PRKCE: variants seen among roughly 807,000 people sequenced by gnomAD.
The protein encoded by PRKCE is protein kinase C epsilon type.
A neutral mutation model predicts 85.4 loss-of-function variants in PRKCE; 16 were observed. The ratio of observed to expected loss-of-function variants is 0.19; its 90% CI spans 0.13 to 0.28. The LOEUF is 0.28. Ranked by LOEUF, PRKCE falls within the 10% of genes least tolerant of loss-of-function variation. PRKCE has a pLI of 1.00. For synonymous variants in PRKCE, 388 were observed against 371.5 expected, an observed-to-expected ratio of 1.04 and a Z score of -0.51; for missense variants, 573 against 975.2, an observed-to-expected ratio of 0.59 and a Z score of 5.49.
rs189219982 is a variant in PRKCE, at chr2:45,737,521, C to T, written c.348+85073C>T. On this transcript the variant is annotated intron_variant, in intron 1 of 14. Transcript: ENST00000306156. ...CTGATTTGCCAACGGCCCGGGGCTC[C>T]TCCTCGCAACTGCCCAGCGGAGGAC... is the stretch of plus-strand genomic sequence containing the variant. Among the ~76,000 whole-genome samples, 19 of 152,146 alleles carry T rather than the reference C, an allele frequency of 1.2e-4. No homozygotes were observed. In the East Asian group the frequency reaches 3.1e-3, roughly 25 times the overall value.
intron 2 of PRKCE, among the ~76,000 whole-genome samples, chr2:45,863,787 A>C (rs1469296879): frequency 6.6e-6 from 1 of 151,880 alleles, no homozygotes; most frequent in East Asian, 1.9e-4. Context: ...TCATGATAGC[A>C]GGCTTCATCT....
At chr2:45,940,374 G>A (rs946286055) in intron 2 of PRKCE, among the ~76,000 whole-genome samples, 6 of 152,198 alleles carry the variant, frequency 3.9e-5, no homozygotes, top group African/African-American at 1.4e-4. Flanking sequence ...TCTTACCTAT[G>A]AAGCAAGAAC....
At chr2:45,769,811 C>G (rs1229042098) in intron 1 of PRKCE, among the ~76,000 whole-genome samples, 1 of 152,244 alleles carries the variant, frequency 6.6e-6, no homozygotes, top group Non-Finnish European at 1.5e-5. Context: ...TTGCTAAGTG[C>G]ATCCTTGTCT....
intron 11 of PRKCE, among the ~76,000 whole-genome samples, chr2:46,134,774 C>T (rs1674790597): frequency 6.6e-6 from 1 of 152,190 alleles, no homozygotes; most frequent in Non-Finnish European, 1.5e-5. Flanking sequence ...TTTTGATGAC[C>T]AAGTTGATTG....
At chr2:45,975,457 A>G (rs1702384959) in intron 2 of PRKCE, among the ~76,000 whole-genome samples, 1 of 152,154 alleles carries the variant, frequency 6.6e-6, no homozygotes, top group Non-Finnish European at 1.5e-5. Context: ...CTCACATGAC[A>G]GAGAGCTCAC....
intron 1 of PRKCE, among the ~76,000 whole-genome samples, chr2:45,660,240 C>T (rs375824746): frequency 3.9e-5 from 6 of 152,260 alleles, no homozygotes; most frequent in African/African-American, 1.4e-4. Context: ...AACAATCCTT[C>T]TGTACAGTTG....
intron 2 of PRKCE, among the ~76,000 whole-genome samples, chr2:45,890,393 T>C (rs1483445128): frequency 1.3e-5 from 2 of 151,994 alleles, no homozygotes; most frequent in African/African-American, 4.8e-5. Flanking sequence ...AACTTTTGTG[T>C]GTGTGAGACA....
chr2:45,786,288 G>A lies in PRKCE; in HGVS notation c.349-56712G>A, dbSNP rs1273491619. ...TGTGTCTCCCTGGCCTGGCCACACA[G>A]TAGAATTCATCCCAAGTTTCCAGGA... On this transcript the variant is annotated intron_variant, in intron 1 of 14. Coordinates refer to ENST00000306156, the MANE Select transcript of PRKCE (RefSeq NM_005400.3). This position sits in a 1 kb window ranked among gnomAD's most constrained non-coding sequence, Gnocchi z 5.3. 6.6e-6 allele frequency among the ~76,000 whole-genome samples: 1 copy of A among 152,148 alleles called. No homozygotes were observed. The highest frequency in any genetic ancestry group is 1.5e-5 in the Non-Finnish European group (1 of 68,018).
chr2:45,927,080 A>T (rs754930979), intron 2 of PRKCE, among the ~76,000 whole-genome samples: 1 of 150,698 alleles, frequency 6.6e-6, no homozygotes, highest in Non-Finnish European at 1.5e-5. Flanking sequence ...ATATGTGCAC[A>T]TGTGAGCGTG....
At chr2:45,992,803 C>G (rs1176180065) in intron 6 of PRKCE, among the ~76,000 whole-genome samples, 1 of 152,162 alleles carries the variant, frequency 6.6e-6, no homozygotes, top group Non-Finnish European at 1.5e-5. Context: ...AACCAAGTCT[C>G]TCCAAATGAC....
At chr2:45,814,134 ACTACT>A (rs1688849745) in intron 1 of PRKCE, among the ~76,000 whole-genome samples, 1 of 152,106 alleles carries the variant, frequency 6.6e-6, no homozygotes, top group African/African-American at 2.4e-5. Context: ...GAAGAGGGTG[ACTACT>A]CTCCTGCCAC....
intron 2 of PRKCE, among the ~76,000 whole-genome samples, chr2:45,865,815 C>CTTTT (rs36102606): frequency 2.2e-5 from 3 of 133,660 alleles, no homozygotes; most frequent in African/African-American, 5.6e-5. Context: ...TCTTCTTCTT[C>CTTTT]TTTTTTTTTT....
chr2:45,983,700 A>G (rs1289302624), intron 5 of PRKCE, among the ~76,000 whole-genome samples: 1 of 152,064 alleles, frequency 6.6e-6, no homozygotes, highest in Non-Finnish European at 1.5e-5. Context: ...GTGAGGTTTA[A>G]CTGAGATAAT....
chr2:45,968,070 G>A (rs1046239573), intron 2 of PRKCE, among the ~76,000 whole-genome samples: 5 of 152,168 alleles, frequency 3.3e-5, no homozygotes, highest in Non-Finnish European at 7.3e-5. Context: ...ATGCATGTTG[G>A]CAAGTCTGGC....
intron 2 of PRKCE, among the ~76,000 whole-genome samples, chr2:45,872,207 T>C (rs1312693586): frequency 2.0e-5 from 3 of 152,024 alleles, no homozygotes; most frequent in South Asian, 4.2e-4. Context: ...AGGGAGCCCT[T>C]TGCGTAACTC....
chr2:46,120,014 T>TTTGTC, intron 11 of PRKCE, among the ~76,000 whole-genome samples: 1 of 152,134 alleles, frequency 6.6e-6, no homozygotes, highest in Non-Finnish European at 1.5e-5. Flanking sequence ...CTATGCTTTG[T>TTTGTC]CTGTTAAGCC....
intron 2 of PRKCE, among the ~76,000 whole-genome samples, chr2:45,908,359 G>A (rs1175912294): frequency 3.3e-5 from 5 of 152,198 alleles, no homozygotes; most frequent in East Asian, 3.8e-4. Flanking sequence ...CGGACCAGGA[G>A]CAAGGACCCT....
intron 1 of PRKCE, among the ~76,000 whole-genome samples, chr2:45,808,164 C>T (rs191271386): frequency 1.3e-5 from 2 of 152,104 alleles, no homozygotes; most frequent in African/African-American, 2.4e-5. Context: ...GTCTTTTCCC[C>T]CAAGCCAGAG....
intron 10 of PRKCE, among the ~76,000 whole-genome samples, chr2:46,045,041 G>A (rs760675170): frequency 9.9e-5 from 15 of 152,150 alleles, no homozygotes; most frequent in Non-Finnish European, 2.1e-4. Context: ...GAGTTAAAGA[G>A]CATTTTTTAA....
Sources: allele counts gnomAD v4.1 joint callset (sites outside exome capture counted in the v4.1 genomes callset), GRCh38; gene constraint gnomAD v4.1.1; non-coding constraint Gnocchi (gnomAD v3.1); transcripts MANE v1.5; gene names NCBI Gene and HGNC (gene_info 2026-07-23, HGNC 2026-07-21).